The following ZC3H3 variants were observed in gnomAD, a reference collection of about 807,000 sequenced individuals.
ZC3H3 encodes zinc finger CCCH-type containing 3.
In ZC3H3, 36 loss-of-function variants were observed where a neutral mutation model predicts 77.3. The ratio of observed to expected loss-of-function variants is 0.47; its 90% CI spans 0.36 to 0.61. ZC3H3 has a LOEUF of 0.61. ZC3H3 is among the 20% of genes least tolerant of loss of function. The pLI, the probability that ZC3H3 is intolerant of heterozygous loss-of-function variation, is 0.00. For synonymous variants in ZC3H3, 626 were observed against 555.2 expected, an observed-to-expected ratio of 1.13 and a Z score of -1.79; for missense variants, 1,331 against 1,312.2, an observed-to-expected ratio of 1.01 and a Z score of -0.22.
At position 143,494,057 on chromosome 8, in the gene ZC3H3, T is replaced by G. The variant is rs1309020478; in HGVS notation, c.1715+13689A>C. On this transcript the variant is annotated intron_variant, in intron 4 of 11. Transcript: ENST00000262577. This position sits in a 1 kb window ranked among gnomAD's most constrained non-coding sequence, Gnocchi z 5.3. The stretch of plus-strand genomic sequence containing the variant: ...AACTCTAAAAAACCTGCCGGAGTCC[T>G]GCCTCAGCAGCACGTGGGGAAGCCT... Among the ~76,000 whole-genome samples, 1 of 152,184 alleles carries G rather than the reference T, an allele frequency of 6.6e-6. No individual in the cohort carries two copies. The highest frequency in any genetic ancestry group is 2.4e-5 in the African/African-American group (1 of 41,460).
rs182341730 is a variant in ZC3H3, at chr8:143,451,310, C to G, written c.2308-10190G>C. On this transcript the variant is annotated intron_variant, in intron 9 of 11. Transcript: ENST00000262577. ...CAAAGAACACTAGCAAAACCAAAAG[C>G]TGGTTGTCTGAAAAGGGCAATAAGA... Among the ~76,000 whole-genome samples, 5 of 152,270 alleles carry G rather than the reference C, an allele frequency of 3.3e-5. No homozygotes were observed. In the East Asian group the frequency reaches 9.6e-4, roughly 29 times the overall value.
At chr8:143,514,378 C>T (rs1054690963) in intron 3 of ZC3H3, among the ~76,000 whole-genome samples, 5 of 152,216 alleles carry the variant, frequency 3.3e-5, no homozygotes, top group East Asian at 1.9e-4. Context: ...GCAGCATCCA[C>T]AGTGGAGCTG....
At chr8:143,442,583 G>A (rs1437818580) in intron 9 of ZC3H3, among the ~76,000 whole-genome samples, 4 of 152,210 alleles carry the variant, frequency 2.6e-5, no homozygotes, top group East Asian at 1.9e-4. Flanking sequence ...CCAAGGCTGC[G>A]GGTGCATTTT....
intron 3 of ZC3H3, among the ~76,000 whole-genome samples, chr8:143,523,811 G>A (rs996927768): frequency 6.6e-6 from 1 of 152,232 alleles, no homozygotes; most frequent in African/African-American, 2.4e-5. Flanking sequence ...AGAGCACACT[G>A]AGACGCAGCA....
intron 10 of ZC3H3, 144 bp downstream of exon 10, chr8:143,440,792 C>A: frequency 9.9e-7 from 1 of 1,005,382 alleles, no homozygotes; most frequent in South Asian, 3.2e-5. Flanking sequence ...TCATGTGATC[C>A]CCAGCCTTGG....
chr8:143,525,001 T>C (rs945285269), intron 3 of ZC3H3, among the ~76,000 whole-genome samples: 1 of 152,276 alleles, frequency 6.6e-6, no homozygotes, highest in Non-Finnish European at 1.5e-5. Context: ...AACAGCTAAC[T>C]TGACACTTGA....
chr8:143,536,351 G>C lies in ZC3H3; in HGVS notation c.1467C>G (p.Val489=), dbSNP rs1405371966. 3 of 1,607,326 alleles carry C rather than the reference G, an allele frequency of 1.9e-6. No individual in the cohort carries two copies. In the East Asian group the frequency reaches 6.7e-5, roughly 36 times the overall value. The change falls in exon 3 of 12, where the codon GTC becomes GTG. Residue 489 remains valine, a synonymous_variant. Transcript: ENST00000262577. ...RQALRGKSSP[V]LKKTPNKGLV... ...GGCCCTTGTTGGGGGTCTTCTTCAG[G>C]ACAGGGCTGCTCTTCCCCCTGAGGG...
chr8:143,496,815 C>T (rs907648004), intron 4 of ZC3H3, among the ~76,000 whole-genome samples: 28 of 152,256 alleles, frequency 1.8e-4, no homozygotes, highest in African/African-American at 5.5e-4. Flanking sequence ...CCTGAGGCCA[C>T]ACCAGTGCTG....
At chr8:143,540,236 T>C (rs1009343594) in intron 1 of ZC3H3, among the ~76,000 whole-genome samples, 2 of 152,194 alleles carry the variant, frequency 1.3e-5, no homozygotes, top group South Asian at 4.1e-4. Context: ...GTTTGGTTGG[T>C]TTTGGCTTTT....
rs906841914 is a variant in ZC3H3, at chr8:143,494,632, G to C, written c.1715+13114C>G. 6.6e-5 allele frequency among the ~76,000 whole-genome samples: 10 copies of C among 152,164 alleles called. No individual in the cohort carries two copies. Among genetic ancestry groups the C allele is most frequent in the African/African-American group, 2.4e-4 (10 of 41,436 alleles). The stretch of plus-strand genomic sequence containing the variant: ...GGAGGGAAGCGGCAGGTCGGGGGAG[G>C]GGGGTGCTGTGGGCAGACACACGAG... On this transcript the variant is annotated intron_variant, in intron 4 of 11. Coordinates refer to ENST00000262577, the MANE Select transcript of ZC3H3 (RefSeq NM_015117.3). This position sits in a 1 kb window ranked among gnomAD's most constrained non-coding sequence, Gnocchi z 5.3.
In ZC3H3 at chr8:143,539,001, G is replaced by T. The variant is rs761344020; in HGVS notation, c.366C>A (p.Asn122Lys). Residue 122 changes from asparagine (N) to lysine (K), a missense_variant, in exon 2 of 12, where the codon AAC (asparagine) becomes AAA (lysine). Physicochemically the swap from Asn to Lys is moderately conservative, Grantham distance 94. This residue lies in a region of ZC3H3 where 978 missense variants were observed against 915.5 expected (regional missense o/e 1.07). Coordinates refer to ENST00000262577, the MANE Select transcript of ZC3H3 (RefSeq NM_015117.3). ...ATGGCGGTTTAACTTTGATGACCAC[G>T]TTCTGACCCTGACTGAGCTGGACCT... Reference protein sequence around the residue: ...ERQVQLSQGQNVVIKVKPPSK... With the variant: ...ERQVQLSQGQKVVIKVKPPSK... 1.2e-6 allele frequency: 2 copies of T among 1,613,074 alleles called. No individual in the cohort carries two copies. Among genetic ancestry groups the T allele is most frequent in the South Asian group, 2.2e-5 (2 of 91,088 alleles).
chr8:143,439,436 G>C (rs959027753), intron 11 of ZC3H3, among the ~76,000 whole-genome samples: 1 of 152,198 alleles, frequency 6.6e-6, no homozygotes, highest in African/African-American at 2.4e-5. Context: ...ACTCAAACGC[G>C]CGGAGAGCTG....
At chr8:143,524,816 A>G (rs1822359582) in intron 3 of ZC3H3, among the ~76,000 whole-genome samples, 1 of 152,238 alleles carries the variant, frequency 6.6e-6, no homozygotes, top group Admixed American at 6.5e-5. Context: ...ACAGCAGGGC[A>G]CCTGCCAGCC....
chr8:143,474,083 A>G (rs1208098936), intron 5 of ZC3H3, among the ~76,000 whole-genome samples: 1 of 152,146 alleles, frequency 6.6e-6, no homozygotes, highest in Non-Finnish European at 1.5e-5. Flanking sequence ...CAAGGCCCCC[A>G]TGTTCTGAGC....
At chr8:143,470,740 C>T (rs1031778366) in intron 5 of ZC3H3, among the ~76,000 whole-genome samples, 21 of 152,204 alleles carry the variant, frequency 1.4e-4, no homozygotes, top group African/African-American at 4.6e-4. Context: ...GTGAGGCTCA[C>T]GGCAGGAGTT....
In ZC3H3 at chr8:143,493,670, C is replaced by T. The variant is rs1209757435; in HGVS notation, c.1715+14076G>A. Among the ~76,000 whole-genome samples, 1 of 152,216 alleles carries T rather than the reference C, an allele frequency of 6.6e-6. No homozygotes were observed. Among genetic ancestry groups the T allele is most frequent in the East Asian group, 1.9e-4 (1 of 5,198 alleles). ...AGAGTTGCATCCATGCTGTCAAGCCCCTGCTAGCAGCTTCTGTGGCACCTT... is the reference window on the plus strand; with the variant it reads ...AGAGTTGCATCCATGCTGTCAAGCCTCTGCTAGCAGCTTCTGTGGCACCTT... On this transcript the variant is annotated intron_variant, in intron 4 of 11. Coordinates refer to ENST00000262577, the MANE Select transcript of ZC3H3 (RefSeq NM_015117.3). The surrounding 1 kb of genome is among the most constrained non-coding windows in gnomAD (Gnocchi z 4.8).
intron 4 of ZC3H3, among the ~76,000 whole-genome samples, chr8:143,499,648 G>C (rs573955910): frequency 6.6e-6 from 1 of 152,000 alleles, no homozygotes; most frequent in Non-Finnish European, 1.5e-5. Flanking sequence ...CCAGCATTCA[G>C]GGCCTCTCCA....
chr8:143,487,650 C>G (rs371997000), intron 4 of ZC3H3, among the ~76,000 whole-genome samples: 16 of 41,404 alleles, frequency 3.9e-4, no homozygotes, highest in East Asian at 1.1e-3. Context: ...ACGAAGCTCA[C>G]ACACAGAACA....
Position 143,437,709 on chromosome 8 carries a change from T to C in ZC3H3, c.*347A>G. Reference sequence around the variant, plus strand: ...ACATAAAACACCTGCCTGGGAGGCCTGGCCAGTGGCCTCTTCACTGGGCCG... The same window carrying C: ...ACATAAAACACCTGCCTGGGAGGCCCGGCCAGTGGCCTCTTCACTGGGCCG... On this transcript the variant is annotated 3_prime_UTR_variant, in exon 12 of 12. Coordinates refer to ENST00000262577, the MANE Select transcript of ZC3H3 (RefSeq NM_015117.3). The C allele has an allele frequency of 2.6e-6, 1 of 388,084 alleles. No homozygotes were observed. Among genetic ancestry groups the C allele is most frequent in the South Asian group, 3.2e-5 (1 of 31,240 alleles). 24.0% of individuals were successfully genotyped at this position (388,084 alleles called of 1,614,324 possible). A position where few individuals can be genotyped will look rare whatever the true frequency, so the allele number is the denominator to read the frequency against.
Sources: gnomAD v4.1 joint callset for allele counts (sites outside exome capture counted in the v4.1 genomes callset) on GRCh38, gnomAD v4.1.1 for gene constraint, gnomAD v4.1.1 regional missense constraint, Gnocchi (gnomAD v3.1) non-coding constraint, MANE v1.5 for transcripts, NCBI Gene and HGNC (gene_info 2026-07-23, HGNC 2026-07-21) for gene names.